The following XKR4 variants were observed in gnomAD, a reference collection of about 807,000 sequenced individuals.
XKR4 encodes the protein XK related 4, also known as XK-related protein 4.
Under a neutral mutation model 53.9 loss-of-function variants are expected in XKR4, and 12 were observed. The ratio of observed to expected loss-of-function variants is 0.22; its 90% CI spans 0.14 to 0.36. The LOEUF is 0.36. Ranked by LOEUF, XKR4 falls within the 10% of genes least tolerant of loss-of-function variation. XKR4 has a pLI of 1.00. For missense variants in XKR4, 799 were observed against 859.5 expected (o/e 0.93, Z 0.88); for synonymous variants, 354 against 362.4 (o/e 0.98, Z 0.26).
At chr8:55,417,972 C>T (rs1344606765) in intron 2 of XKR4, among the ~76,000 whole-genome samples, 1 of 152,114 alleles carries the variant, frequency 6.6e-6, no homozygotes, top group Non-Finnish European at 1.5e-5. Context: ...GGTGGATCCC[C>T]TGAGAAAGAG....
At chr8:55,229,242 G>A (rs115181705) in intron 1 of XKR4, among the ~76,000 whole-genome samples, 2,414 of 152,270 alleles carry the variant, frequency 0.016, 68 homozygotes, top group African/African-American at 0.054. Flanking sequence ...CTACCCATCC[G>A]CCCTGTGTCG....
intron 2 of XKR4, among the ~76,000 whole-genome samples, chr8:55,381,374 G>GC (rs1804230558): frequency 6.6e-6 from 1 of 152,120 alleles, no homozygotes; most frequent in Admixed American, 6.5e-5. Flanking sequence ...AGGGAAATTG[G>GC]CTCACACAAT....
intron 2 of XKR4, among the ~76,000 whole-genome samples, chr8:55,389,670 G>A (rs560821670): frequency 1.9e-4 from 29 of 152,214 alleles, no homozygotes; most frequent in South Asian, 1.0e-3. Flanking sequence ...CCAGAGTCTC[G>A]CAATCATTTA....
At chr8:55,500,540 C>T (rs1806422256) in intron 2 of XKR4, among the ~76,000 whole-genome samples, 1 of 152,172 alleles carries the variant, frequency 6.6e-6, no homozygotes, top group Non-Finnish European at 1.5e-5. Flanking sequence ...TACAGTCTAG[C>T]TCACCACAGG....
intron 1 of XKR4, among the ~76,000 whole-genome samples, chr8:55,284,124 T>G (rs1818875526): frequency 6.6e-6 from 1 of 152,194 alleles, no homozygotes; most frequent in Non-Finnish European, 1.5e-5. Context: ...CACAGAGGCT[T>G]GATTTATGAC....
At chr8:55,380,827 C>T (rs753422298) in intron 2 of XKR4, among the ~76,000 whole-genome samples, 4 of 152,216 alleles carry the variant, frequency 2.6e-5, no homozygotes, top group African/African-American at 9.6e-5. Context: ...TGTTAATTCA[C>T]GCAGTTGACC....
At chr8:55,299,110 C>T (rs557294451) in intron 1 of XKR4, among the ~76,000 whole-genome samples, 18 of 152,224 alleles carry the variant, frequency 1.2e-4, no homozygotes, top group East Asian at 1.2e-3. Context: ...CTTTCGTTTT[C>T]GTCAGTCTGG....
intron 1 of XKR4, among the ~76,000 whole-genome samples, chr8:55,180,603 G>A (rs933013271): frequency 2.0e-5 from 3 of 152,134 alleles, no homozygotes; most frequent in African/African-American, 7.2e-5. Context: ...TGCGATCTTG[G>A]TTCACTGCAA....
chr8:55,111,992 G>A (rs576093129), intron 1 of XKR4, among the ~76,000 whole-genome samples: 1 of 152,192 alleles, frequency 6.6e-6, no homozygotes, highest in Non-Finnish European at 1.5e-5. Flanking sequence ...GAAGAACAGA[G>A]CATTGCATTA....
chr8:55,506,371 C>T (rs577597796), intron 2 of XKR4, among the ~76,000 whole-genome samples: 1 of 152,298 alleles, frequency 6.6e-6, no homozygotes, highest in African/African-American at 2.4e-5. Context: ...AAGACCTCAG[C>T]CAGAAGGAAA....
At chr8:55,285,697 G>A (rs1585986820) in intron 1 of XKR4, among the ~76,000 whole-genome samples, 1 of 152,168 alleles carries the variant, frequency 6.6e-6, no homozygotes, top group South Asian at 2.1e-4. Flanking sequence ...TCTGTTAGGG[G>A]TGTTCAGGAT....
intron 2 of XKR4, among the ~76,000 whole-genome samples, chr8:55,464,545 C>G (rs530517271): frequency 6.6e-6 from 1 of 152,060 alleles, no homozygotes; most frequent in Non-Finnish European, 1.5e-5. Context: ...AAACTGGAAG[C>G]ATTGAAACTT....
chr8:55,279,790 T>G (rs1418761514), intron 1 of XKR4, among the ~76,000 whole-genome samples: 2 of 152,126 alleles, frequency 1.3e-5, no homozygotes, highest in East Asian at 3.9e-4. Flanking sequence ...TGTCTTGGAG[T>G]GTTGTTCCCA....
chr8:55,204,340 C>T (rs1817615630), intron 1 of XKR4, among the ~76,000 whole-genome samples: 1 of 152,122 alleles, frequency 6.6e-6, no homozygotes, highest in South Asian at 2.1e-4. Flanking sequence ...ATGGAATGGA[C>T]CAAACTTTAT....
chr8:55,232,503 AT>A (rs1415792227), intron 1 of XKR4, among the ~76,000 whole-genome samples: 2 of 152,222 alleles, frequency 1.3e-5, no homozygotes, highest in Non-Finnish European at 2.9e-5. Flanking sequence ...AAAAATTAAA[AT>A]TGTGGTCAGT....
At chr8:55,230,941 T>A (rs916847338) in intron 1 of XKR4, among the ~76,000 whole-genome samples, 4 of 152,042 alleles carry the variant, frequency 2.6e-5, no homozygotes, top group African/African-American at 9.7e-5. Context: ...CACTCATCTC[T>A]CCTCCTGCCT....
chr8:55,270,136 G>T (rs1283614941), intron 1 of XKR4, among the ~76,000 whole-genome samples: 1 of 152,152 alleles, frequency 6.6e-6, no homozygotes, highest in African/African-American at 2.4e-5. Flanking sequence ...CCTGCACTCT[G>T]GTTATTCCTT....
chr8:55,299,073 C>G (rs551532286), intron 1 of XKR4, among the ~76,000 whole-genome samples: 83 of 152,284 alleles, frequency 5.5e-4, no homozygotes, highest in African/African-American at 2.0e-3. Flanking sequence ...AGCCCAGGAC[C>G]ATGTGTTGCA....
At chr8:55,510,686 C>T (rs563000357) in intron 2 of XKR4, among the ~76,000 whole-genome samples, 4 of 152,314 alleles carry the variant, frequency 2.6e-5, no homozygotes, top group East Asian at 1.9e-4. Flanking sequence ...AAAAGAGCAG[C>T]AAGTTACTCT....
Sources: allele counts gnomAD v4.1 joint callset (sites outside exome capture counted in the v4.1 genomes callset), GRCh38; gene constraint gnomAD v4.1.1; transcripts MANE v1.5; gene names NCBI Gene and HGNC (gene_info 2026-07-23, HGNC 2026-07-21).